Variants in CHRM2 observed in about 807,000 individuals in gnomAD.
CHRM2 encodes cholinergic receptor muscarinic 2.
In CHRM2, 8 loss-of-function variants were observed where a neutral mutation model predicts 25.0. The ratio of observed to expected loss-of-function variants is 0.32; its 90% confidence interval spans 0.19 to 0.58. CHRM2 has a LOEUF of 0.58. Ranked by LOEUF, CHRM2 falls within the 20% of genes least tolerant of loss-of-function variation. The pLI is 0.88. For missense variants in CHRM2, 440 were observed against 567.1 expected (o/e 0.78, Z 2.28); for synonymous variants, 202 against 205.7 (o/e 0.98, Z 0.15).
chr7:136,945,991 TTGAAA>T (rs1476255224), intron 2 of CHRM2, among the ~76,000 whole-genome samples: 3 of 152,120 alleles, frequency 2.0e-5, no homozygotes, highest in Non-Finnish European at 2.9e-5. Context: ...TAGCAGTATG[TTGAAA>T]TGGAAAGAGA....
At position 136,972,580 on chromosome 7, in the gene CHRM2, C is replaced by A. The variant is rs140539083; in HGVS notation, c.-124-19607C>A. Reference sequence around the variant, plus strand: ...GAAAAAAAAAATATGGTTGATAGTTCTGTCAAATGAGAACTCAGGTTTGAA... The same window carrying A: ...GAAAAAAAAAATATGGTTGATAGTTATGTCAAATGAGAACTCAGGTTTGAA... On this transcript the variant is annotated intron_variant, in intron 2 of 3. Coordinates refer to ENST00000680005, the MANE Select transcript of CHRM2 (RefSeq NM_001006630.2). Among the ~76,000 whole-genome samples, 99 of 152,222 alleles carry A rather than the reference C, an allele frequency of 6.5e-4. 2 individuals carry two copies. In the East Asian group the frequency reaches 0.015, roughly 23 times the overall value.
intron 3 of CHRM2, among the ~76,000 whole-genome samples, chr7:137,013,234 T>C (rs1804942586): frequency 6.6e-6 from 1 of 152,026 alleles, no homozygotes; most frequent in East Asian, 1.9e-4. Flanking sequence ...ACATATATTT[T>C]CCTTTCTGGC....
At chr7:136,939,058 T>C (rs1799609308) in intron 2 of CHRM2, among the ~76,000 whole-genome samples, 1 of 151,342 alleles carries the variant, frequency 6.6e-6, no homozygotes, top group Admixed American at 6.6e-5. Context: ...TTTGCTAGTC[T>C]CCTTTCATAA....
chr7:136,984,379 G>A (rs188531507), intron 2 of CHRM2, among the ~76,000 whole-genome samples: 197 of 152,206 alleles, frequency 1.3e-3, no homozygotes, highest in African/African-American at 3.8e-3. Flanking sequence ...GCTGGGCTCC[G>A]TGGGTGTGGG....
chr7:136,971,596 G>A (rs1801771686), intron 2 of CHRM2, among the ~76,000 whole-genome samples: 1 of 130,554 alleles, frequency 7.7e-6, no homozygotes. Context: ...CAGCCTGGGT[G>A]ACAGAGTAAG....
intron 2 of CHRM2, among the ~76,000 whole-genome samples, chr7:136,939,144 A>C (rs541259355): frequency 6.6e-6 from 1 of 152,154 alleles, no homozygotes; most frequent in Non-Finnish European, 1.5e-5. Context: ...CCCATGAGGA[A>C]GCAGTAGCAG....
At chr7:136,999,720 T>C (rs1022652747) in intron 3 of CHRM2, among the ~76,000 whole-genome samples, 14 of 152,228 alleles carry the variant, frequency 9.2e-5, no homozygotes, top group East Asian at 3.8e-4. Context: ...CTGTTTGTTC[T>C]ACATACAGGA....
At chr7:136,929,309 G>A (rs1040588385) in intron 2 of CHRM2, among the ~76,000 whole-genome samples, 2 of 149,872 alleles carry the variant, frequency 1.3e-5, no homozygotes, top group African/African-American at 4.9e-5. Flanking sequence ...GAAAGTGTGT[G>A]TCTCTTGCCC....
chr7:136,979,411 T>A (rs547303753), intron 2 of CHRM2, among the ~76,000 whole-genome samples: 1 of 152,244 alleles, frequency 6.6e-6, no homozygotes, highest in Non-Finnish European at 1.5e-5. Flanking sequence ...TTCACTCTGA[T>A]GATAGTTTCT....
At chr7:136,937,205 A>G (rs1799465924) in intron 2 of CHRM2, among the ~76,000 whole-genome samples, 1 of 152,204 alleles carries the variant, frequency 6.6e-6, no homozygotes. Flanking sequence ...AGCCGCATAA[A>G]TTAAGTTATC....
intron 2 of CHRM2, among the ~76,000 whole-genome samples, chr7:136,913,891 A>C (rs1316975743): frequency 6.6e-6 from 1 of 151,928 alleles, no homozygotes; most frequent in African/African-American, 2.4e-5. Flanking sequence ...CTCAAAACTC[A>C]TTTTCAAATG....
At chr7:136,990,835 A>T (rs1261506158) in intron 2 of CHRM2, among the ~76,000 whole-genome samples, 1 of 152,130 alleles carries the variant, frequency 6.6e-6, no homozygotes. Context: ...TTTCAATTCC[A>T]CCAGCAGTAG....
chr7:137,005,850 C>T (rs919398032), intron 3 of CHRM2, among the ~76,000 whole-genome samples: 14 of 151,932 alleles, frequency 9.2e-5, no homozygotes, highest in Admixed American at 6.6e-4. Flanking sequence ...AGCAGCCTGC[C>T]GACTTTAGGA....
intron 3 of CHRM2, among the ~76,000 whole-genome samples, chr7:137,003,990 C>T (rs894788725): frequency 6.6e-6 from 1 of 152,220 alleles, no homozygotes; most frequent in East Asian, 1.9e-4. Flanking sequence ...AAGGTCCTTC[C>T]AGTCCTGTGA....
chr7:136,956,101 G>A (rs1800708359), intron 2 of CHRM2, among the ~76,000 whole-genome samples: 6 of 151,984 alleles, frequency 3.9e-5, no homozygotes, highest in Admixed American at 3.9e-4. Context: ...TTTAATAGGG[G>A]AAAAGAGAGA....
chr7:136,998,661 C>G (rs1471078464), intron 3 of CHRM2, among the ~76,000 whole-genome samples: 1 of 152,100 alleles, frequency 6.6e-6, no homozygotes, highest in Non-Finnish European at 1.5e-5. Context: ...ATGCACATGC[C>G]TTTTCCATGA....
intron 2 of CHRM2, among the ~76,000 whole-genome samples, chr7:136,874,271 G>A (rs1795959424): frequency 6.6e-6 from 1 of 152,112 alleles, no homozygotes; most frequent in African/African-American, 2.4e-5. Context: ...TTTGTAAACT[G>A]CTATTAGCAA....
At position 136,967,059 on chromosome 7, in the gene CHRM2, AT is replaced by A. The variant is rs890823621; in HGVS notation, c.-124-25126del. On this transcript the variant is annotated intron_variant, in intron 2 of 3. Coordinates refer to ENST00000680005, the MANE Select transcript of CHRM2 (RefSeq NM_001006630.2). ...AACAATAATGATTCACAAGAAAAAA[AT>A]TCAATGCAAACCTCATCAAGCTCTC... 1.8e-4 allele frequency among the ~76,000 whole-genome samples: 27 copies of A among 152,094 alleles called. 1 individual carries two copies. The highest frequency in any genetic ancestry group is 3.7e-4 in the Non-Finnish European group (25 of 67,878).
At chr7:136,950,803 G>GA (rs1800364891) in intron 2 of CHRM2, among the ~76,000 whole-genome samples, 3 of 151,820 alleles carry the variant, frequency 2.0e-5, no homozygotes, top group African/African-American at 7.3e-5. Flanking sequence ...TGTTGTTGTT[G>GA]TTGTTGTTGT....
Sources: gnomAD v4.1 joint callset for allele counts (sites outside exome capture counted in the v4.1 genomes callset) on GRCh38, gnomAD v4.1.1 for gene constraint, MANE v1.5 for transcripts, NCBI Gene and HGNC (gene_info 2026-07-23, HGNC 2026-07-21) for gene names.